Variants in HP observed in about 807,000 individuals in gnomAD.
HP encodes haptoglobin.
A neutral mutation model predicts 23.2 loss-of-function variants in HP; 9 were observed. That is an observed-to-expected ratio of 0.39 (90% confidence interval 0.23 to 0.68). The LOEUF (loss-of-function observed/expected upper bound fraction) is 0.68, where lower values mean the gene tolerates loss of function less well. HP is among the 30% of genes least tolerant of loss of function. The pLI is 0.47. For synonymous variants in HP, 155 were observed against 183.3 expected (o/e 0.85, Z 1.25); for missense variants, 433 against 483.6 (o/e 0.90, Z 0.98).
chr16:72,060,218 T>A lies in HP; in HGVS notation c.549T>A (p.His183Gln). 1 of 1,614,178 alleles carries A rather than the reference T, an allele frequency of 6.2e-7. No homozygotes were observed. The highest frequency in any genetic ancestry group is 8.5e-7 in the Non-Finnish European group (1 of 1,180,048). The stretch of plus-strand genomic sequence containing the variant: ...GGCAGGCTAAGATGGTTTCCCACCA[T>A]AATCTCACCACAGGTGCCACGCTGA... ...FPWQAKMVSH[H>Q]NLTTGATLIN... The change falls in exon 7 of 7, where the codon CAT (histidine) becomes CAA (glutamine). Residue 183 changes from histidine (H) to glutamine (Q), a missense_variant. This residue lies in a region of HP where 326 missense variants were observed against 358.1 expected (regional missense o/e 0.91). Coordinates refer to ENST00000355906, the MANE Select transcript of HP (RefSeq NM_005143.5).
intron 3 of HP, 25 bp downstream of exon 3, chr16:72,056,656 T>C: frequency 5.5e-6 from 5 of 904,742 alleles, no homozygotes; most frequent in Non-Finnish European, 6.6e-6. Context: ...ACTGTCTCCA[T>C]GCCCTACATA....
At chr16:72,054,977 C>CT in intron 1 of HP, 1 of 534,814 alleles carries the variant, frequency 1.9e-6, no homozygotes, top group Non-Finnish European at 3.3e-6. Flanking sequence ...AGATATTTTC[C>CT]TCTTTAAAAA....
rs547365258 is a variant in HP, at chr16:72,054,805, T to C, written c.5+148T>C. The C allele has an allele frequency of 3.0e-5, 31 of 1,027,602 alleles. No homozygotes were observed. In the African/African-American group the frequency reaches 3.7e-4, roughly 12 times the overall value. The allele number at this position is 1,027,602 out of a possible 1,614,324, so 63.7% of individuals were successfully genotyped here. The stretch of plus-strand genomic sequence containing the variant: ...CCAAAGGGCTTAGTGTGTTAAATCT[T>C]CTCCTTTTCTGCATCCATAGAAGAC... On this transcript the variant is annotated intron_variant, in intron 1 of 6. Coordinates refer to ENST00000355906, the MANE Select transcript of HP (RefSeq NM_005143.5).
rs2144050869 is a variant in HP at position 72,060,776 on chromosome 16, G to C, written c.1107G>C (p.Trp369Cys). ...TTCACGACCTGGAGGAGGACACCTG[G>C]TATGCGACTGGGATCTTAAGCTTTG... ...FAVHDLEEDT[W>C]YATGILSFDK... Residue 369 changes from tryptophan (W) to cysteine (C), a missense_variant, in exon 7 of 7, where the codon TGG becomes TGC. Transcript: ENST00000355906. 6.2e-7 allele frequency: 1 copy of C among 1,614,186 alleles called. No individual in the cohort carries two copies. Among genetic ancestry groups the C allele is most frequent in the East Asian group, 2.2e-5 (1 of 44,854 alleles).
Position 72,058,132 on chromosome 16 carries a change from C to T in HP, c.266-122C>T, listed in dbSNP as rs997445542. 1.1e-4 allele frequency: 127 copies of T among 1,145,172 alleles called. 27 individuals are homozygous for T. The highest frequency in any genetic ancestry group is 2.2e-4 in the African/African-American group (10 of 45,510). The allele number at this position is 1,145,172 out of a possible 1,614,324, so 70.9% of individuals were successfully genotyped here. On this transcript the variant is annotated intron_variant, in intron 4 of 6. Coordinates refer to ENST00000355906, the MANE Select transcript of HP (RefSeq NM_005143.5). ...AATTGTTTAAAAATAATACAGTTCG[C>T]GAGCTTCTATTCGGGGTGGAAGGAG...
chr16:72,054,910 G>C (rs2144038136), intron 1 of HP: 1 of 716,550 alleles, frequency 1.4e-6, no homozygotes, highest in African/African-American at 1.8e-5. Context: ...TGACTTTATA[G>C]GGTATGTCAT....
chr16:72,056,302 C>G (rs2041462005), intron 2 of HP, 59 bp downstream of exon 2: 4 of 1,577,652 alleles, frequency 2.5e-6, no homozygotes, highest in East Asian at 4.5e-5. Context: ...GGTCTGCACT[C>G]TCTCTGAGAA....
intron 2 of HP, 56 bp downstream of exon 2, chr16:72,056,299 A>T (rs1567583386): frequency 1.9e-6 from 3 of 1,577,442 alleles, no homozygotes; most frequent in Admixed American, 1.7e-5. Flanking sequence ...TCGGGTCTGC[A>T]CTCTCTCTGA....
Position 72,056,146 on chromosome 16 carries a change from G to C in HP, c.6-15G>C, listed in dbSNP as rs1468845162. Reference sequence around the variant, plus strand: ...GGAGACTAGCTTTCCACTCCTCCTTGTCTTCTCTCTGCAGTGCCCTGGGAG... The same window carrying C: ...GGAGACTAGCTTTCCACTCCTCCTTCTCTTCTCTCTGCAGTGCCCTGGGAG... On this transcript the variant is annotated splice_polypyrimidine_tract_variant and intron_variant, in intron 1 of 6. Coordinates refer to ENST00000355906, the MANE Select transcript of HP (RefSeq NM_005143.5). 6.2e-7 allele frequency: 1 copy of C among 1,612,560 alleles called. No homozygotes were observed. The highest frequency in any genetic ancestry group is 8.5e-7 in the Non-Finnish European group (1 of 1,178,922).
At chr16:72,055,579 T>C (rs2041447030) in intron 1 of HP, 1 of 168,572 alleles carries the variant, frequency 5.9e-6, no homozygotes, top group African/African-American at 2.4e-5. Flanking sequence ...CCAGGTAACC[T>C]TCTGGCATTT....
chr16:72,055,838 T>C, intron 1 of HP: 1 of 386,486 alleles, frequency 2.6e-6, no homozygotes, highest in Non-Finnish European at 5.0e-6. Flanking sequence ...CTTTCCTGAA[T>C]GCAGCCAGAA....
intron 5 of HP, chr16:72,058,663 C>A: frequency 2.6e-6 from 1 of 383,382 alleles, no homozygotes; most frequent in Non-Finnish European, 4.5e-6. Context: ...GATGATGTCA[C>A]CCTCACCTAG....
In HP at chr16:72,060,189, C is replaced by T. The variant is rs774984711; in HGVS notation, c.520C>T (p.Pro174Ser). The change falls in exon 7 of 7, where the codon CCC becomes TCC. Residue 174 changes from proline to serine, a missense_variant. Around this residue, in one of 3 missense-constraint regions of HP, gnomAD observed 326 missense variants for 358.1 expected, o/e 0.91. Coordinates refer to ENST00000355906, the MANE Select transcript of HP (RefSeq NM_005143.5). Reference protein sequence around the residue: ...GGHLDAKGSFPWQAKMVSHHN... With the variant: ...GGHLDAKGSFSWQAKMVSHHN... The stretch of plus-strand genomic sequence containing the variant: ...ACACCTGGATGCCAAAGGCAGCTTT[C>T]CCTGGCAGGCTAAGATGGTTTCCCA... 6.2e-7 allele frequency: 1 copy of T among 1,614,096 alleles called. No homozygotes were observed.
At chr16:72,058,674 T>G in intron 5 of HP, 1 of 372,162 alleles carries the variant, frequency 2.7e-6, no homozygotes, top group Non-Finnish European at 4.7e-6. Context: ...CCTCACCTAG[T>G]GAGTCTTGCT....
chr16:72,060,134 G>A lies in HP; in HGVS notation c.465G>A (p.Pro155=), dbSNP rs374612326. The part of the protein sequence containing the change: ...CEAVCGKPKN[P]ANPVQRILGG... ...CAGTATGTGGGAAGCCCAAGAATCC[G>A]GCAAACCCAGTGCAGCGGATCCTGG... The change falls in exon 7 of 7, where the codon CCG becomes CCA. Residue 155 remains proline (P), a synonymous_variant. Coordinates refer to ENST00000355906, the MANE Select transcript of HP (RefSeq NM_005143.5). 249 of 1,613,498 alleles carry A rather than the reference G, an allele frequency of 1.5e-4. 4 individuals are homozygous for A. The East Asian group carries it at 2.9e-3, about 19-fold the overall frequency.
chr16:72,056,618 C>T lies in HP; in HGVS notation c.177C>T (p.Arg59=). The change falls in exon 3 of 7, where the codon CGC becomes CGT. Residue 59 remains arginine (R), a synonymous_variant. Coordinates refer to ENST00000355906, the MANE Select transcript of HP (RefSeq NM_005143.5). ...RYQCKNYYKL[R]TEGDGVYTLN... is the part of the protein sequence containing the mutation. The stretch of plus-strand genomic sequence containing the variant: ...AGTGTAAGAACTACTACAAACTGCG[C>T]ACAGAAGGAGATGGTAAGATGTGGA... 1.7e-6 allele frequency: 2 copies of T among 1,204,276 alleles called. No individual in the cohort carries two copies. The highest frequency in any genetic ancestry group is 2.3e-6 in the Non-Finnish European group (2 of 856,012). 74.6% of individuals were successfully genotyped at this position (1,204,276 alleles called of 1,614,324 possible). A position where few individuals can be genotyped will look rare whatever the true frequency, so the allele number is the denominator to read the frequency against.
rs1450821163 is a variant in HP at position 72,060,930 on chromosome 16, T to C, written c.*40T>C. ...GAAGCCCTTGCCTGAAAGCAAGATT[T>C]CAGCCTGGAAGAGGGCAAAGTGGAC... On this transcript the variant is annotated 3_prime_UTR_variant, in exon 7 of 7. Transcript: ENST00000355906. 1.1e-5 allele frequency: 17 copies of C among 1,540,108 alleles called. No individual in the cohort carries two copies. Among genetic ancestry groups the C allele is most frequent in the Non-Finnish European group, 1.4e-5 (16 of 1,144,196 alleles).
At chr16:72,059,470 T>A in intron 6 of HP, 1 of 519,916 alleles carries the variant, frequency 1.9e-6, no homozygotes, top group Non-Finnish European at 3.5e-6. Context: ...TAGAGAGCCC[T>A]GGGTCTAAGG....
chr16:72,059,191 G>A lies in HP; in HGVS notation c.442+3G>A. 1.3e-6 allele frequency: 2 copies of A among 1,565,174 alleles called. 1 individual carries two copies. On this transcript the variant is annotated splice_donor_region_variant and intron_variant, in intron 6 of 6. Coordinates refer to ENST00000355906, the MANE Select transcript of HP (RefSeq NM_005143.5). The stretch of plus-strand genomic sequence containing the variant: ...TAAACTTCCTGAATGTGAAGCAGGT[G>A]GGTGCTGAGCACTTAAGAGAGCAGG...
Sources: allele counts gnomAD v4.1 joint callset, GRCh38; gene constraint gnomAD v4.1.1; regional missense constraint gnomAD v4.1.1; transcripts MANE v1.5; gene names NCBI Gene and HGNC (gene_info 2026-07-23, HGNC 2026-07-21).